Variants in TENM2 observed in about 807,000 individuals in gnomAD.
TENM2 encodes the protein teneurin-2.
A neutral mutation model predicts 245.2 loss-of-function variants in TENM2; 52 were observed. The observed-to-expected ratio is 0.21, with a 90% CI of 0.17 to 0.27. TENM2 has a LOEUF of 0.27. Ranked by LOEUF, TENM2 falls within the 10% of genes least tolerant of loss-of-function variation. The pLI is 1.00. For synonymous variants in TENM2, 1,363 were observed against 1,438.9 expected, an observed-to-expected ratio of 0.95 and a Z score of 1.19; for missense variants, 3,046 against 3,666.8, an observed-to-expected ratio of 0.83 and a Z score of 4.37.
At chr5:167,235,352 C>G in the TENM2 span, among the ~76,000 whole-genome samples, 4 of 152,142 alleles carry the variant, frequency 2.6e-5, no homozygotes, top group Non-Finnish European at 4.4e-5. Flanking sequence ...TTTGGGGGAA[C>G]ACAATTCAGC....
intron 2 of TENM2, among the ~76,000 whole-genome samples, chr5:167,742,072 T>A (rs1002102871): frequency 1.3e-5 from 2 of 152,210 alleles, no homozygotes; most frequent in Non-Finnish European, 2.9e-5. Flanking sequence ...ATATCCTAAG[T>A]GGCAATTAAT....
At position 167,349,266 on chromosome 5, in the gene TENM2, T is replaced by G. The variant is rs551761158; in HGVS notation, c.227-25932T>G. ...TCATCTAATAGATCTAGGTGTAGTT[T>G]CCTCAGATGTGAGCTATAGTCTGTA... On this transcript the variant is annotated intron_variant, in intron 1 of 28. Transcript: ENST00000518659. Among the ~76,000 whole-genome samples the G allele has an allele frequency of 3.3e-5, 5 of 152,332 alleles. No homozygotes were observed. In the East Asian group the frequency reaches 7.7e-4, roughly 23 times the overall value.
rs536280576 is a variant in TENM2, at chr5:167,824,586, G to A, written c.503-51400G>A. ...CAAGGAACTTCAAGTACTGAGTTCA[G>A]TAAAGCTGGCACCCAAGGCATGAGG... On this transcript the variant is annotated intron_variant, in intron 2 of 28. Transcript: ENST00000518659. Among the ~76,000 whole-genome samples the A allele has an allele frequency of 1.6e-4, 24 of 152,326 alleles. 2 individuals are homozygous for A. Among genetic ancestry groups the A allele is most frequent in the Middle Eastern group, 3.4e-3 (1 of 294 alleles).
chr5:167,784,151 A>G (rs1764403817), intron 2 of TENM2, among the ~76,000 whole-genome samples: 2 of 152,228 alleles, frequency 1.3e-5, no homozygotes, highest in African/African-American at 2.4e-5. Flanking sequence ...CATGGGTGCT[A>G]GAGTCACTGT....
At chr5:167,682,217 C>T (rs112570204) in intron 2 of TENM2, among the ~76,000 whole-genome samples, 2,208 of 151,140 alleles carry the variant, frequency 0.015, 78 homozygotes, top group African/African-American at 0.049. Flanking sequence ...GGCTGGAGTG[C>T]GGTGGCATGA....
intron 2 of TENM2, among the ~76,000 whole-genome samples, chr5:167,608,173 A>G (rs1355551341): frequency 6.6e-6 from 1 of 152,182 alleles, no homozygotes; most frequent in Non-Finnish European, 1.5e-5. Context: ...CATAATATGA[A>G]AAAGCTACTG....
chr5:168,012,507 G>A (rs1038224303), intron 5 of TENM2, among the ~76,000 whole-genome samples: 4 of 151,882 alleles, frequency 2.6e-5, no homozygotes, highest in Non-Finnish European at 4.4e-5. Context: ...AATTAGCCAG[G>A]TGTGGTGGTG....
intron 3 of TENM2, among the ~76,000 whole-genome samples, chr5:167,887,873 A>G (rs964236195): frequency 6.6e-6 from 1 of 152,132 alleles, no homozygotes; most frequent in Admixed American, 6.5e-5. Context: ...GCCCTAGGGA[A>G]GAGTCCTTCC....
chr5:167,340,225 A>AC (rs1395536872), intron 1 of TENM2, among the ~76,000 whole-genome samples: 2 of 152,092 alleles, frequency 1.3e-5, no homozygotes, highest in East Asian at 3.9e-4. Flanking sequence ...TCTATAATGC[A>AC]CCTCAAAGTG....
chr5:167,536,841 A>G (rs1181636427), intron 2 of TENM2, among the ~76,000 whole-genome samples: 2 of 151,494 alleles, frequency 1.3e-5, no homozygotes, highest in African/African-American at 4.9e-5. Flanking sequence ...AACATGGTGA[A>G]GCCCTGTCTC....
intron 2 of TENM2, among the ~76,000 whole-genome samples, chr5:167,697,046 GC>G (rs886453521): frequency 6.6e-5 from 10 of 152,132 alleles, no homozygotes; most frequent in African/African-American, 2.4e-4. Context: ...CTTCCTTCCA[GC>G]CCTTACCCTC....
At chr5:167,539,599 G>T (rs1371638968) in intron 2 of TENM2, among the ~76,000 whole-genome samples, 1 of 152,066 alleles carries the variant, frequency 6.6e-6, no homozygotes, top group Non-Finnish European at 1.5e-5. Context: ...CTTCTCTTAC[G>T]GGAAGATGAG....
chr5:167,806,278 A>G (rs1256352443), intron 2 of TENM2, among the ~76,000 whole-genome samples: 1 of 152,182 alleles, frequency 6.6e-6, no homozygotes, highest in African/African-American at 2.4e-5. Flanking sequence ...CTCACTATGT[A>G]TAAGGCAATA....
At chr5:167,109,826 C>T in the TENM2 span, among the ~76,000 whole-genome samples, 1 of 152,190 alleles carries the variant, frequency 6.6e-6, no homozygotes, top group Non-Finnish European at 1.5e-5. Context: ...CTATTATGCT[C>T]CCCATCCCTA....
chr5:167,235,521 G>A, the TENM2 span, among the ~76,000 whole-genome samples: 3 of 152,100 alleles, frequency 2.0e-5, no homozygotes, highest in African/African-American at 7.2e-5. Context: ...AAAGTTTAGG[G>A]TAAATTATCA....
chr5:167,936,560 G>A (rs1480469923), intron 3 of TENM2, among the ~76,000 whole-genome samples: 2 of 152,104 alleles, frequency 1.3e-5, no homozygotes, highest in African/African-American at 2.4e-5. Context: ...GGCTCCTACC[G>A]TTAAGCAAGT....
chr5:167,301,990 T>C (rs1192714351), intron 1 of TENM2, among the ~76,000 whole-genome samples: 2 of 151,658 alleles, frequency 1.3e-5, no homozygotes, highest in Non-Finnish European at 2.9e-5. Context: ...GATGGGTCTG[T>C]AGAAAAGGAA....
intron 2 of TENM2, among the ~76,000 whole-genome samples, chr5:167,431,317 A>G (rs1764206992): frequency 6.6e-6 from 1 of 152,180 alleles, no homozygotes; most frequent in African/African-American, 2.4e-5. Flanking sequence ...AAAATGACTT[A>G]GGTTAGTTCC....
At chr5:167,445,336 T>TATATATATAGAGAGAGAGAG (rs368881390) in intron 2 of TENM2, among the ~76,000 whole-genome samples, 10 of 77,300 alleles carry the variant, frequency 1.3e-4, no homozygotes, top group African/African-American at 1.7e-4. Flanking sequence ...TATATATATA[T>TATATATATAGAGAGAGAGAG]AGAGAGAGAG....
Sources: gnomAD v4.1 joint callset for allele counts (sites outside exome capture counted in the v4.1 genomes callset) on GRCh38, gnomAD v4.1.1 for gene constraint, MANE v1.5 for transcripts, NCBI Gene and HGNC (gene_info 2026-07-23, HGNC 2026-07-21) for gene names.